KIF27: variants seen among roughly 807,000 people sequenced by gnomAD.
KIF27 encodes the protein kinesin-like protein KIF27.
KIF27 carries 84 observed loss-of-function variants against 141.8 expected under a neutral mutation model. The ratio of observed to expected loss-of-function variants is 0.59; its 90% confidence interval spans 0.50 to 0.71. The LOEUF (loss-of-function observed/expected upper bound fraction) is 0.71, where lower values mean the gene tolerates loss of function less well. Ranked by LOEUF, KIF27 falls within the 30% of genes least tolerant of loss-of-function variation. The pLI is 0.00. For missense variants in KIF27, 1,306 were observed against 1,628.4 expected, an observed-to-expected ratio of 0.80 and a Z score of 3.41; for synonymous variants, 471 against 569.5, an observed-to-expected ratio of 0.83 and a Z score of 2.46.
At chr9:83,916,471 A>C (rs535864076) in intron 1 of KIF27, among the ~76,000 whole-genome samples, 29 of 152,342 alleles carry the variant, frequency 1.9e-4, no homozygotes, top group African/African-American at 7.0e-4. Context: ...CATAAATTTA[A>C]AACTAAATTT....
intron 16 of KIF27, among the ~76,000 whole-genome samples, chr9:83,848,162 GATATATCTGATATA>G (rs1947747799): frequency 1.6e-5 from 1 of 62,504 alleles, no homozygotes; most frequent in African/African-American, 8.3e-5. Context: ...TATCATATAT[GATATATCTGATATA>G]TCATATATGA....
rs1275416961 is a variant in KIF27 at position 83,867,395 on chromosome 9, T to TATCC, written c.2934+285_2934+288dup. Among the ~76,000 whole-genome samples, 31 of 145,826 alleles carry TATCC rather than the reference T, an allele frequency of 2.1e-4. No homozygotes were observed. In the South Asian group the frequency reaches 2.9e-3, roughly 14 times the overall value. On this transcript the variant is annotated intron_variant, in intron 13 of 17. Transcript: ENST00000297814. Reference sequence around the variant, plus strand: ...AGATAGATCTATCTATCTATCTATCTATCCATCCATCCATCCATCCATTAA... The same window carrying TATCC: ...AGATAGATCTATCTATCTATCTATCTATCCATCCATCCATCCATCCATCCATTAA...
chr9:83,909,833 T>C (rs1308944059), intron 2 of KIF27, among the ~76,000 whole-genome samples: 2 of 151,910 alleles, frequency 1.3e-5, no homozygotes, highest in Admixed American at 6.6e-5. Context: ...GAGGCCGAGG[T>C]GGGTGGACCG....
chr9:83,894,674 G>T (rs946839601), intron 5 of KIF27, among the ~76,000 whole-genome samples: 2 of 152,128 alleles, frequency 1.3e-5, no homozygotes, highest in African/African-American at 4.8e-5. Flanking sequence ...CTCATTGCTG[G>T]GGGATTAAGC....
At chr9:83,887,326 G>GA (rs1952198895) in intron 8 of KIF27, 130 bp from the exon 9 acceptor site, 1 of 556,204 alleles carries the variant, frequency 1.8e-6, no homozygotes, top group African/African-American at 2.0e-5. Context: ...GGAAGGGGAG[G>GA]AAAAAGGGGA....
At chr9:83,866,990 A>G (rs2131992927) in intron 13 of KIF27, among the ~76,000 whole-genome samples, 1 of 130,770 alleles carries the variant, frequency 7.6e-6, no homozygotes, top group South Asian at 2.8e-4. Context: ...ATTAGTAGGC[A>G]TTCTATTTCC....
intron 11 of KIF27, among the ~76,000 whole-genome samples, chr9:83,877,570 CAT>C (rs1741580667): frequency 6.6e-6 from 1 of 152,104 alleles, no homozygotes; most frequent in Admixed American, 6.6e-5. Context: ...TAGCAGAAAA[CAT>C]AAATCTTCAT....
chr9:83,892,494 C>G (rs1207515113), intron 5 of KIF27, among the ~76,000 whole-genome samples: 1 of 151,614 alleles, frequency 6.6e-6, no homozygotes, highest in Non-Finnish European at 1.5e-5. Flanking sequence ...AAAAAATAAC[C>G]AATGATCCAA....
chr9:83,866,514 T>C (rs1242221470), intron 13 of KIF27, among the ~76,000 whole-genome samples: 6 of 152,140 alleles, frequency 3.9e-5, no homozygotes, highest in African/African-American at 1.4e-4. Context: ...TTCCCTTTTA[T>C]GGCTTTTCAA....
intron 13 of KIF27, among the ~76,000 whole-genome samples, chr9:83,866,759 C>T (rs1385207178): frequency 2.0e-5 from 3 of 151,836 alleles, no homozygotes; most frequent in Non-Finnish European, 2.9e-5. Context: ...GCCTGTAGTC[C>T]GAGCTACTCG....
intron 6 of KIF27, among the ~76,000 whole-genome samples, chr9:83,890,196 T>G (rs1952534828): frequency 6.6e-6 from 1 of 152,172 alleles, no homozygotes; most frequent in South Asian, 2.1e-4. Context: ...TCCTAAAAAA[T>G]CCTACCTGAT....
intron 3 of KIF27, among the ~76,000 whole-genome samples, chr9:83,904,464 G>A (rs1299106960): frequency 6.6e-6 from 1 of 152,098 alleles, no homozygotes; most frequent in Non-Finnish European, 1.5e-5. Flanking sequence ...TCTACCTCGG[G>A]TTCAAGTGAT....
intron 13 of KIF27, among the ~76,000 whole-genome samples, chr9:83,866,954 C>T (rs963006870): frequency 6.7e-6 from 1 of 149,404 alleles, no homozygotes; most frequent in African/African-American, 2.5e-5. Flanking sequence ...ATTCACCCCC[C>T]CCCCAAAAAA....
intron 17 of KIF27, among the ~76,000 whole-genome samples, chr9:83,839,808 A>G (rs531640726): frequency 8.4e-4 from 128 of 152,122 alleles, no homozygotes; most frequent in African/African-American, 2.3e-3. Context: ...GCCGGGCCTG[A>G]TGGTGGCGCC....
At chr9:83,899,855 A>T in intron 4 of KIF27, 51 bp from the exon 5 acceptor site, 1 of 1,524,652 alleles carries the variant, frequency 6.6e-7, no homozygotes, top group Non-Finnish European at 8.9e-7. Context: ...AATAATCAAG[A>T]AACCCCATAT....
chr9:83,902,629 G>A (rs1446996127), intron 4 of KIF27, among the ~76,000 whole-genome samples: 2 of 152,068 alleles, frequency 1.3e-5, no homozygotes, highest in African/African-American at 2.4e-5. Flanking sequence ...CTGACCAAGA[G>A]AGGGAGAAAA....
chr9:83,858,400 A>G (rs1481523918), intron 14 of KIF27: 1 of 152,110 alleles, frequency 6.6e-6, no homozygotes, highest in Non-Finnish European at 1.5e-5. Context: ...TCTCTTAGCA[A>G]TTTTCCCTTG....
At chr9:83,846,123 G>A (rs454257) in intron 16 of KIF27, among the ~76,000 whole-genome samples, 73,631 of 151,310 alleles carry the variant, frequency 0.49, 19,670 homozygotes, top group African/African-American at 0.71. Flanking sequence ...TGAGTGCCCA[G>A]TTTGCCAGCA....
At chr9:83,898,685 C>T (rs1271116881) in intron 5 of KIF27, 1 of 152,108 alleles carries the variant, frequency 6.6e-6, no homozygotes, top group Non-Finnish European at 1.5e-5. Context: ...GGCATGGTGG[C>T]TCATACCTGT....
Sources: allele counts gnomAD v4.1 joint callset (sites outside exome capture counted in the v4.1 genomes callset), GRCh38; gene constraint gnomAD v4.1.1; transcripts MANE v1.5; gene names NCBI Gene and HGNC (gene_info 2026-07-23, HGNC 2026-07-21).